CPA3: variants seen among roughly 807,000 people sequenced by gnomAD.
CPA3 encodes carboxypeptidase A3.
Under a neutral mutation model 55.8 loss-of-function variants are expected in CPA3, and 52 were observed. The ratio of observed to expected loss-of-function variants is 0.93; its 90% confidence interval spans 0.75 to 1.17. The LOEUF is 1.17. CPA3 is among the 50% of genes most tolerant of loss of function. The pLI is 0.00. For synonymous variants in CPA3, 179 were observed against 171.2 expected (o/e 1.05, Z -0.36); for missense variants, 547 against 509.1 (o/e 1.07, Z -0.72).
chr3:148,896,420 CAT>C, intron 10 of CPA3, 98 bp from the exon 11 acceptor site: 2 of 982,932 alleles, frequency 2.0e-6, no homozygotes, highest in Non-Finnish European at 2.9e-6. Context: ...TAACTGCACA[CAT>C]AACTATTTTT....
intron 5 of CPA3, among the ~76,000 whole-genome samples, chr3:148,879,574 T>G (rs1714302838): frequency 6.6e-6 from 1 of 152,188 alleles, no homozygotes; most frequent in Admixed American, 6.5e-5. Flanking sequence ...AAAAATTTTT[T>G]GAAAAATATG....
intron 2 of CPA3, among the ~76,000 whole-genome samples, chr3:148,867,545 CCT>C (rs1713938166): frequency 6.6e-6 from 1 of 152,202 alleles, no homozygotes; most frequent in Non-Finnish European, 1.5e-5. Context: ...TGCACATTAC[CCT>C]GCTAGAACAC....
intron 10 of CPA3, among the ~76,000 whole-genome samples, chr3:148,891,497 C>CACACACACACACACACACACACACACAT (rs1176458070): frequency 1.8e-4 from 27 of 149,562 alleles, no homozygotes; most frequent in African/African-American, 5.8e-4. Flanking sequence ...CACACACACA[C>CACACACACACACACACACACACACACAT]ACACACACAC....
At position 148,879,908 on chromosome 3, in the gene CPA3, T is replaced by A; in HGVS notation, c.576+19T>A. On this transcript the variant is annotated intron_variant, in intron 6 of 10. Transcript: ENST00000296046. ...CTATCAGGTAAGTGAATCAGAAGAC[T>A]CCCAATTCTCCTTTGACTGCCAAGT... 3 of 1,527,298 alleles carry A rather than the reference T, an allele frequency of 2.0e-6. No homozygotes were observed. The highest frequency in any genetic ancestry group is 2.7e-6 in the Non-Finnish European group (3 of 1,101,896). 94.6% of individuals were successfully genotyped at this position (1,527,298 alleles called of 1,614,324 possible). A position where few individuals can be genotyped will look rare whatever the true frequency, so the allele number is the denominator to read the frequency against.
intron 3 of CPA3, among the ~76,000 whole-genome samples, chr3:148,874,193 G>GT (rs199707553): frequency 1.7e-4 from 26 of 151,786 alleles, no homozygotes; most frequent in East Asian, 1.4e-3. Flanking sequence ...AACTCACACT[G>GT]TTTTTTTTGC....
intron 10 of CPA3, among the ~76,000 whole-genome samples, chr3:148,890,342 T>C (rs1714636803): frequency 1.3e-5 from 2 of 152,210 alleles, no homozygotes; most frequent in East Asian, 1.9e-4. Context: ...ATTGCATTAG[T>C]AATAAAATTC....
chr3:148,868,685 A>G (rs1405312073), intron 2 of CPA3, among the ~76,000 whole-genome samples: 1 of 151,906 alleles, frequency 6.6e-6, no homozygotes, highest in Non-Finnish European at 1.5e-5. Context: ...AAGTCCTTAA[A>G]AAAAAAAAAA....
Position 148,897,153 on chromosome 3 carries a change from CCATT to C in CPA3, c.*453_*456del, listed in dbSNP as rs1295450501. On this transcript the variant is annotated 3_prime_UTR_variant, in exon 11 of 11. Coordinates refer to ENST00000296046, the MANE Select transcript of CPA3 (RefSeq NM_001870.4). ...ATAGCATTAATAATCAATATTAATG[CCATT>C]CATTCAGTCTGTTAATAAGAAATAA... The C allele has an allele frequency of 2.0e-5, 3 of 152,344 alleles. No homozygotes were observed. Among genetic ancestry groups the C allele is most frequent in the African/African-American group, 4.8e-5 (2 of 41,398 alleles). 9.4% of individuals were successfully genotyped at this position (152,344 alleles called of 1,614,324 possible).
At chr3:148,885,145 C>T (rs1714492843) in intron 9 of CPA3, among the ~76,000 whole-genome samples, 1 of 152,124 alleles carries the variant, frequency 6.6e-6, no homozygotes, top group African/African-American at 2.4e-5. Context: ...AACCACCCTT[C>T]TTCCCTTGGT....
rs374102630 is a variant in CPA3, at chr3:148,878,425, T to A, written c.270-16T>A. ...TCATGATAAAACATGTATTTTATCA[T>A]TCCCCTGTCAAACAGAATCTTGATT... On this transcript the variant is annotated splice_polypyrimidine_tract_variant and intron_variant, in intron 3 of 10. Coordinates refer to ENST00000296046, the MANE Select transcript of CPA3 (RefSeq NM_001870.4). The A allele has an allele frequency of 7.9e-6, 12 of 1,517,750 alleles. No individual in the cohort carries two copies. The highest frequency in any genetic ancestry group is 1.1e-5 in the Non-Finnish European group (12 of 1,092,544). 94.0% of individuals were successfully genotyped at this position (1,517,750 alleles called of 1,614,324 possible).
chr3:148,875,047 C>T (rs1209712749), intron 3 of CPA3, among the ~76,000 whole-genome samples: 1 of 152,078 alleles, frequency 6.6e-6, no homozygotes, highest in East Asian at 1.9e-4. Flanking sequence ...ACTAAGCCAC[C>T]CAAGATCACA....
intron 3 of CPA3, among the ~76,000 whole-genome samples, chr3:148,871,864 T>A (rs886590316): frequency 3.9e-5 from 6 of 152,230 alleles, no homozygotes; most frequent in Admixed American, 1.3e-4. Context: ...TGTCTCCAAG[T>A]ACTAATTATA....
intron 2 of CPA3, among the ~76,000 whole-genome samples, chr3:148,866,260 G>A (rs1396964929): frequency 6.6e-6 from 1 of 152,124 alleles, no homozygotes; most frequent in African/African-American, 2.4e-5. Flanking sequence ...CAAACATACA[G>A]TTACCTCTAC....
At chr3:148,869,338 G>A (rs1047893272) in intron 3 of CPA3, among the ~76,000 whole-genome samples, 3 of 152,100 alleles carry the variant, frequency 2.0e-5, no homozygotes, top group African/African-American at 7.2e-5. Flanking sequence ...GCCCACATGA[G>A]CAGGCATGAA....
At chr3:148,876,936 TGTGA>T (rs1714221740) in intron 3 of CPA3, among the ~76,000 whole-genome samples, 3 of 152,196 alleles carry the variant, frequency 2.0e-5, no homozygotes, top group African/African-American at 7.2e-5. Flanking sequence ...TCTCATACAC[TGTGA>T]GTATTTAAAC....
intron 2 of CPA3, among the ~76,000 whole-genome samples, chr3:148,868,137 C>T (rs898175247): frequency 5.9e-5 from 9 of 152,234 alleles, no homozygotes; most frequent in South Asian, 4.1e-4. Context: ...TCAGGTGATC[C>T]GCACCTCAGC....
At chr3:148,868,193 T>A (rs2108028142) in intron 2 of CPA3, among the ~76,000 whole-genome samples, 1 of 152,204 alleles carries the variant, frequency 6.6e-6, no homozygotes, top group African/African-American at 2.4e-5. Flanking sequence ...ACACCCAGCC[T>A]CGAAATTATT....
At chr3:148,893,921 A>T (rs1358676114) in intron 10 of CPA3, among the ~76,000 whole-genome samples, 2 of 152,186 alleles carry the variant, frequency 1.3e-5, no homozygotes, top group South Asian at 2.1e-4. Context: ...AATTCAATGT[A>T]TTGCAAAAAT....
intron 3 of CPA3, 112 bp from the exon 4 acceptor site, chr3:148,878,329 C>A: frequency 1.3e-6 from 1 of 794,736 alleles, no homozygotes. Context: ...AGAAACAGAG[C>A]AAACTTGATT....
Sources: allele counts gnomAD v4.1 joint callset (sites outside exome capture counted in the v4.1 genomes callset), GRCh38; gene constraint gnomAD v4.1.1; transcripts MANE v1.5; gene names NCBI Gene and HGNC (gene_info 2026-07-23, HGNC 2026-07-21).